The following MFSD6 variants were observed in gnomAD, a reference collection of about 807,000 sequenced individuals.
MFSD6 encodes major facilitator superfamily domain-containing protein 6.
MFSD6 carries 26 observed loss-of-function variants against 56.3 expected under a neutral mutation model. That is an observed-to-expected ratio of 0.46 (90% confidence interval 0.34 to 0.64). The LOEUF (loss-of-function observed/expected upper bound fraction) is 0.64. Ranked by LOEUF, MFSD6 falls within the 30% of genes least tolerant of loss-of-function variation. The pLI is 0.01. For missense variants in MFSD6, 750 were observed against 986.2 expected (o/e 0.76, Z 3.21); for synonymous variants, 331 against 366.9 (o/e 0.90, Z 1.12).
intron 4 of MFSD6, among the ~76,000 whole-genome samples, chr2:190,481,830 A>ATGCTGC (rs529640105): frequency 6.6e-6 from 1 of 152,318 alleles, no homozygotes; most frequent in African/African-American, 2.4e-5. Flanking sequence ...CAGAAGATCC[A>ATGCTGC]TGCTGCTGCT....
intron 3 of MFSD6, among the ~76,000 whole-genome samples, chr2:190,448,336 A>G (rs1686657025): frequency 6.6e-6 from 1 of 152,228 alleles, no homozygotes; most frequent in Admixed American, 6.5e-5. Flanking sequence ...ACTCATACAC[A>G]TGCAGAAAGA....
Position 190,413,897 on chromosome 2 carries a change from G to A in MFSD6, c.-175-1395G>A, listed in dbSNP as rs754801759. Among the ~76,000 whole-genome samples the A allele has an allele frequency of 1.6e-4, 24 of 152,170 alleles. No homozygotes were observed. The highest frequency in any genetic ancestry group is 3.4e-4 in the Non-Finnish European group (23 of 68,048). ...AGGAGAAACTGAGCACTGGAGCAGT[G>A]GCAGGAGTGGGTCCCTGTGAGTCAC... On this transcript the variant is annotated intron_variant, in intron 1 of 7. Coordinates refer to ENST00000392328, the MANE Select transcript of MFSD6 (RefSeq NM_017694.4). The surrounding 1 kb of genome is among the most constrained non-coding windows in gnomAD (Gnocchi z 4.1).
rs1419881337 is a variant in MFSD6 at position 190,447,842 on chromosome 2, T to C, written c.1532+10281T>C. Among the ~76,000 whole-genome samples the C allele has an allele frequency of 6.6e-6, 1 of 152,182 alleles. No homozygotes were observed. The highest frequency in any genetic ancestry group is 2.4e-5 in the African/African-American group (1 of 41,428). ...CAGGAATTGAAAGATAATCATTTGGTTTTTATCATCCCTTGAAAAGAACAT... is the reference window on the plus strand; with the variant it reads ...CAGGAATTGAAAGATAATCATTTGGCTTTTATCATCCCTTGAAAAGAACAT... On this transcript the variant is annotated intron_variant, in intron 3 of 7. Transcript: ENST00000392328. The surrounding 1 kb of genome is among the most constrained non-coding windows in gnomAD (Gnocchi z 4.5).
In MFSD6 at chr2:190,412,544, C is replaced by A. The variant is rs1476671003; in HGVS notation, c.-175-2748C>A. ...TAACATGGCATTTCCTTGGGCATAG[C>A]ATTTTTGATTCCTGGGAAAAGCAAA... is the stretch of plus-strand genomic sequence containing the variant. On this transcript the variant is annotated intron_variant, in intron 1 of 7. Transcript: ENST00000392328. This position sits in a 1 kb window ranked among gnomAD's most constrained non-coding sequence, Gnocchi z 4.1. 3 of 985,272 alleles carry A rather than the reference C, an allele frequency of 3.0e-6. No homozygotes were observed. In the African/African-American group the frequency reaches 5.2e-5, roughly 17 times the overall value. The allele number at this position is 985,272 out of a possible 1,614,324, so 61.0% of individuals were successfully genotyped here.
Position 190,497,490 on chromosome 2 carries a change from TAG to T in MFSD6, c.1944_1945del (p.Ala649AsnfsTer17), listed in dbSNP as rs757024272. The stretch of plus-strand genomic sequence containing the variant: ...CCTGTTCCCTCCAGTCCCGTTCCTA[TAG>T]CAACCATCGACTTGGTACAGCAACA... On this transcript the variant is annotated frameshift_variant, in exon 7 of 8. Transcript: ENST00000392328. LOFTEE classifies it high-confidence loss of function. This position sits in a 1 kb window ranked among gnomAD's most constrained non-coding sequence, Gnocchi z 5.2. 5.6e-6 allele frequency: 9 copies of T among 1,614,058 alleles called. No individual in the cohort carries two copies. The highest frequency in any genetic ancestry group is 2.7e-5 in the African/African-American group (2 of 74,910).
Position 190,489,785 on chromosome 2 carries a change from C to A in MFSD6, c.1810C>A (p.Arg604=). ...VNYFGAAATF[R]GIGMACLVIL... is the part of the protein sequence containing the mutation. ...TTTTATAGGGGCTGCTGCAACCTTC[C>A]GAGGAATTGGCATGGCCTGCTTGGT... Residue 604 remains arginine (R), a synonymous_variant, in exon 6 of 8, where the codon CGA becomes AGA. Coordinates refer to ENST00000392328, the MANE Select transcript of MFSD6 (RefSeq NM_017694.4). The surrounding 1 kb of genome is among the most constrained non-coding windows in gnomAD (Gnocchi z 6.6). The A allele has an allele frequency of 3.7e-6, 6 of 1,614,070 alleles. No homozygotes were observed. Among genetic ancestry groups the A allele is most frequent in the Non-Finnish European group, 5.1e-6 (6 of 1,179,958 alleles).
rs992595563 is a variant in MFSD6, at chr2:190,492,762, CACTACCAAGCCAGCACTCCAAGA to C, written c.1891+2933_1891+2955del. Among the ~76,000 whole-genome samples, 33 of 151,638 alleles carry C rather than the reference CACTACCAAGCCAGCACTCCAAGA, an allele frequency of 2.2e-4. No individual in the cohort carries two copies. The highest frequency in any genetic ancestry group is 1.9e-3 in the South Asian group (9 of 4,808). On this transcript the variant is annotated intron_variant, in intron 6 of 7. Coordinates refer to ENST00000392328, the MANE Select transcript of MFSD6 (RefSeq NM_017694.4). This position sits in a 1 kb window ranked among gnomAD's most constrained non-coding sequence, Gnocchi z 5.2. ...ACAAACAAATGCTGAGAGAATTCACCACTACCAAGCCAGCACTCCAAGAACTACCAAGCCAGCACTCCAAGAAC... is the reference window on the plus strand; with the variant it reads ...ACAAACAAATGCTGAGAGAATTCACCACTACCAAGCCAGCACTCCAAGAAC...
chr2:190,488,922 G>T lies in MFSD6; in HGVS notation c.1792+104G>T. On this transcript the variant is annotated intron_variant, in intron 5 of 7. Transcript: ENST00000392328. This position sits in a 1 kb window ranked among gnomAD's most constrained non-coding sequence, Gnocchi z 6.4. ...CAATTATTACTGAAGATTGCCCAAA[G>T]CTAAATTCCAGTATTCATAATCTCT... 1 of 1,121,914 alleles carries T rather than the reference G, an allele frequency of 8.9e-7. No homozygotes were observed. Among genetic ancestry groups the T allele is most frequent in the Non-Finnish European group, 1.2e-6 (1 of 812,468 alleles). The allele number at this position is 1,121,914 out of a possible 1,614,324, so 69.5% of individuals were successfully genotyped here. A position where few individuals can be genotyped will look rare whatever the true frequency, so the allele number is the denominator to read the frequency against.
chr2:190,436,171 G>C lies in MFSD6; in HGVS notation c.142G>C (p.Ala48Pro), dbSNP rs1166436656. ...NETPSSTETS[A>P]IPEEEIDWIE... ...AACACCTTCCTCCACAGAAACATCT[G>C]CTATTCCTGAGGAGGAAATAGACTG... The change falls in exon 3 of 8, where the codon GCT becomes CCT. Residue 48 changes from alanine (A) to proline (P), a missense_variant. This residue lies in a region of MFSD6 where 76 missense variants were observed against 101.9 expected (regional missense o/e 0.75). Transcript: ENST00000392328. The surrounding 1 kb of genome is among the most constrained non-coding windows in gnomAD (Gnocchi z 5.3). The C allele has an allele frequency of 6.2e-7, 1 of 1,614,044 alleles. No homozygotes were observed. The highest frequency in any genetic ancestry group is 8.5e-7 in the Non-Finnish European group (1 of 1,179,966).
intron 3 of MFSD6, among the ~76,000 whole-genome samples, chr2:190,444,205 C>T (rs1292853448): frequency 6.6e-6 from 1 of 152,164 alleles, no homozygotes; most frequent in East Asian, 1.9e-4. Flanking sequence ...AAGGTAATAA[C>T]TTTTCTTAGC....
At chr2:190,407,674 A>C (rs756465773), upstream of MFSD6, among the ~76,000 whole-genome samples, 3 of 152,192 alleles carry the variant, frequency 2.0e-5, no homozygotes, top group Non-Finnish European at 2.9e-5. This position sits in a 1 kb window ranked among gnomAD's most constrained non-coding sequence, Gnocchi z 5.4. Context: ...TGCGACACAC[A>C]CGGTTGGCTT....
At position 190,492,041 on chromosome 2, in the gene MFSD6, G is replaced by A. The variant is rs1031523678; in HGVS notation, c.1891+2175G>A. Among the ~76,000 whole-genome samples, 5 of 152,120 alleles carry A rather than the reference G, an allele frequency of 3.3e-5. No individual in the cohort carries two copies. The highest frequency in any genetic ancestry group is 2.1e-4 in the South Asian group (1 of 4,824). The stretch of plus-strand genomic sequence containing the variant: ...TCTGGAAAGTCTCAGCAACAGAATC[G>A]AAGAAGCAGAAGAAAGAACTTCAGA... On this transcript the variant is annotated intron_variant, in intron 6 of 7. Transcript: ENST00000392328. This position sits in a 1 kb window ranked among gnomAD's most constrained non-coding sequence, Gnocchi z 5.2.
chr2:190,437,141 T>A lies in MFSD6; in HGVS notation c.1112T>A (p.Val371Asp). Residue 371 changes from valine (V) to aspartate (D), a missense_variant, in exon 3 of 8, where the codon GTC becomes GAC. Val to Asp is a radical substitution (Grantham distance 152). This residue lies in a region of MFSD6 where 376 missense variants were observed against 437.9 expected (regional missense o/e 0.86). Coordinates refer to ENST00000392328, the MANE Select transcript of MFSD6 (RefSeq NM_017694.4). The surrounding 1 kb of genome is among the most constrained non-coding windows in gnomAD (Gnocchi z 5.9). ...KPPEYRNYQI[V>D]FIVFGVLMTM... ...CCCGAGTACAGGAATTACCAGATCG[T>A]CTTCATCGTCTTCGGCGTTCTCATG... 6.2e-7 allele frequency: 1 copy of A among 1,614,252 alleles called. No homozygotes were observed. The highest frequency in any genetic ancestry group is 8.5e-7 in the Non-Finnish European group (1 of 1,180,046).
intron 4 of MFSD6, among the ~76,000 whole-genome samples, chr2:190,478,184 T>C (rs557597377): frequency 2.6e-5 from 4 of 152,320 alleles, no homozygotes; most frequent in Admixed American, 2.0e-4. Context: ...TACATACTTC[T>C]GTGTTTCATT....
intron 3 of MFSD6, chr2:190,444,955 G>T: frequency 1.6e-6 from 1 of 623,624 alleles, no homozygotes; most frequent in Non-Finnish European, 2.0e-6. Flanking sequence ...AGCATACTGG[G>T]TAACAAATTT....
In MFSD6 at chr2:190,431,471, G is replaced by A. The variant is rs1213010137; in HGVS notation, c.-53-4506G>A. Among the ~76,000 whole-genome samples, 2 of 152,260 alleles carry A rather than the reference G, an allele frequency of 1.3e-5. No individual in the cohort carries two copies. The highest frequency in any genetic ancestry group is 4.8e-5 in the African/African-American group (2 of 41,474). The stretch of plus-strand genomic sequence containing the variant: ...CAATCCCGGCACCTCTGGAGGCCGA[G>A]GCTGGCGGATCACTCGCGATTAGGA... On this transcript the variant is annotated intron_variant, in intron 2 of 7. Coordinates refer to ENST00000392328, the MANE Select transcript of MFSD6 (RefSeq NM_017694.4). The surrounding 1 kb of genome is among the most constrained non-coding windows in gnomAD (Gnocchi z 4.4).
chr2:190,483,449 A>G (rs550168256), intron 4 of MFSD6, among the ~76,000 whole-genome samples: 1 of 152,310 alleles, frequency 6.6e-6, no homozygotes, highest in African/African-American at 2.4e-5. Context: ...AAAATGAAGA[A>G]AAAATAGTAC....
rs1465017454 is a variant in MFSD6, at chr2:190,410,921, T to A, written c.-176+2418T>A. ...AAATACAAAAATTAGCTGAGCGTGG[T>A]GGCGGGCGCCTGGAATCCCAGCTAC... is the stretch of plus-strand genomic sequence containing the variant. On this transcript the variant is annotated intron_variant, in intron 1 of 7. Transcript: ENST00000392328. This position sits in a 1 kb window ranked among gnomAD's most constrained non-coding sequence, Gnocchi z 4.4. 6.6e-6 allele frequency among the ~76,000 whole-genome samples: 1 copy of A among 151,712 alleles called. No individual in the cohort carries two copies. Among genetic ancestry groups the A allele is most frequent in the Non-Finnish European group, 1.5e-5 (1 of 67,940 alleles).
intron 4 of MFSD6, among the ~76,000 whole-genome samples, chr2:190,474,954 A>G (rs1405284688): frequency 1.3e-5 from 2 of 152,286 alleles, no homozygotes; most frequent in African/African-American, 4.8e-5. Context: ...AAACAGAACC[A>G]AAGACAAAAA....
Sources: gnomAD v4.1 joint callset for allele counts (sites outside exome capture counted in the v4.1 genomes callset) on GRCh38, gnomAD v4.1.1 for gene constraint, gnomAD v4.1.1 regional missense constraint, Gnocchi (gnomAD v3.1) non-coding constraint, MANE v1.5 for transcripts, NCBI Gene and HGNC (gene_info 2026-07-23, HGNC 2026-07-21) for gene names.